Variants in ALPI observed in about 807,000 individuals in gnomAD.
The protein encoded by ALPI is alkaline phosphatase, intestinal.
A neutral mutation model predicts 51.5 loss-of-function variants in ALPI; 50 were observed. The observed-to-expected ratio is 0.97, with a 90% CI of 0.77 to 1.23. ALPI has a LOEUF of 1.23. ALPI is among the 50% of genes most tolerant of loss of function. ALPI has a pLI of 0.00. For missense variants in ALPI, 692 were observed against 722.4 expected (o/e 0.96, Z 0.48); for synonymous variants, 322 against 308.2 (o/e 1.04, Z -0.47).
chr2:232,457,846 C>T lies in ALPI; in HGVS notation c.835C>T (p.Gln279Ter), dbSNP rs1428030818. ...RTELMQASLDQSVTHLMGLFE... is the reference protein window; with the variant it reads ...RTELMQASLD ...TGAGCTCATGCAGGCGTCCCTGGAC[C>T]AGTCTGTGACCCATCTCATGGGTAA... Residue 279 changes from glutamine to a stop codon, truncating the protein, a stop_gained, in exon 7 of 11, where the codon CAG becomes TAG. Transcript: ENST00000295463. LOFTEE classifies it high-confidence loss of function. This position sits in a 1 kb window ranked among gnomAD's most constrained non-coding sequence, Gnocchi z 4.7. The T allele has an allele frequency of 2.5e-6, 4 of 1,613,962 alleles. No homozygotes were observed. Among genetic ancestry groups the T allele is most frequent in the African/African-American group, 1.3e-5 (1 of 74,886 alleles).
chr2:232,457,530 G>A lies in ALPI; in HGVS notation c.649-35G>A, dbSNP rs1274866850. 8.9e-6 allele frequency: 14 copies of A among 1,575,822 alleles called. No homozygotes were observed. The highest frequency in any genetic ancestry group is 3.6e-5 in the Admixed American group (2 of 55,536). On this transcript the variant is annotated intron_variant, in intron 5 of 10. Coordinates refer to ENST00000295463, the MANE Select transcript of ALPI (RefSeq NM_001631.5). The surrounding 1 kb of genome is among the most constrained non-coding windows in gnomAD (Gnocchi z 4.7). ...GAGGAGGGGGCACGGGGCCAGCCAG[G>A]CCCCCAAACCACCTGCCCCATCCAT...
chr2:232,460,111 G>A lies in ALPI; in HGVS notation c.*965G>A, dbSNP rs1425527364. 6.6e-6 allele frequency: 1 copy of A among 152,512 alleles called. No homozygotes were observed. Among genetic ancestry groups the A allele is most frequent in the South Asian group, 2.1e-4 (1 of 4,840 alleles). The allele number at this position is 152,512 out of a possible 1,614,324, so 9.4% of individuals were successfully genotyped here. A position where few individuals can be genotyped will look rare whatever the true frequency, so the allele number is the denominator to read the frequency against. On this transcript the variant is annotated 3_prime_UTR_variant, in exon 11 of 11. Coordinates refer to ENST00000295463, the MANE Select transcript of ALPI (RefSeq NM_001631.5). ...TGGAGAGGTGGATAACGCAGGCCAGGAGGTACTGCTGAGGGGCAGATGATT... is the reference window on the plus strand; with the variant it reads ...TGGAGAGGTGGATAACGCAGGCCAGAAGGTACTGCTGAGGGGCAGATGATT...
In ALPI at chr2:232,458,310, A is replaced by G. The variant is rs749297044; in HGVS notation, c.1085A>G (p.Gln362Arg). The part of the protein sequence containing the change: ...MFDDAIERAG[Q>R]LTSEEDTLTL... ...GACGACGCCATTGAGAGGGCGGGCC[A>G]GCTCACCAGCGAGGAGGACACGCTG... Residue 362 changes from glutamine to arginine, a missense_variant, in exon 9 of 11, where the codon CAG becomes CGG. Coordinates refer to ENST00000295463, the MANE Select transcript of ALPI (RefSeq NM_001631.5). The G allele has an allele frequency of 1.9e-5, 31 of 1,614,028 alleles. No homozygotes were observed. Among genetic ancestry groups the G allele is most frequent in the Non-Finnish European group, 2.5e-5 (30 of 1,180,042 alleles).
chr2:232,458,407 C>T lies in ALPI; in HGVS notation c.1182C>T (p.Phe394=), dbSNP rs759088255. The stretch of plus-strand genomic sequence containing the variant: ...ACACCTTGCGAGGGAGCTCCATCTT[C>T]GGTAGGCCTGGGGAGAGTGGCAGGT... ...GGYTLRGSSI[F]GLAPSKAQDS... is the part of the protein sequence containing the mutation. Residue 394 remains phenylalanine, a splice_region_variant and synonymous_variant, in exon 9 of 11, where the codon TTC becomes TTT. Coordinates refer to ENST00000295463, the MANE Select transcript of ALPI (RefSeq NM_001631.5). The T allele has an allele frequency of 3.1e-6, 5 of 1,612,568 alleles. No individual in the cohort carries two copies. Among genetic ancestry groups the T allele is most frequent in the South Asian group, 2.2e-5 (2 of 90,964 alleles).
At position 232,459,203 on chromosome 2, in the gene ALPI, C is replaced by G. The variant is rs1279159025; in HGVS notation, c.*57C>G. 2.7e-6 allele frequency: 4 copies of G among 1,483,246 alleles called. No homozygotes were observed. Among genetic ancestry groups the G allele is most frequent in the African/African-American group, 2.8e-5 (2 of 71,802 alleles). The allele number at this position is 1,483,246 out of a possible 1,614,324, so 91.9% of individuals were successfully genotyped here. ...CCTCCGGGCGTCCTGCCCTGTTCCC[C>G]GTCCTGAGCCGCCACTTCCAGCGAA... On this transcript the variant is annotated 3_prime_UTR_variant, in exon 11 of 11. Transcript: ENST00000295463.
chr2:232,458,768 C>A lies in ALPI; in HGVS notation c.1300+20C>A, dbSNP rs764342811. 3 of 1,613,488 alleles carry A rather than the reference C, an allele frequency of 1.9e-6. No individual in the cohort carries two copies. Among genetic ancestry groups the A allele is most frequent in the South Asian group, 1.1e-5 (1 of 91,080 alleles). ...AGAGCGGTGAGTGAGGCTGAATGGC[C>A]CGTGCAGGGGGACCAGGGTGCCAGG... On this transcript the variant is annotated intron_variant, in intron 10 of 10. Coordinates refer to ENST00000295463, the MANE Select transcript of ALPI (RefSeq NM_001631.5).
In ALPI at chr2:232,456,723, C is replaced by T. The variant is rs762622182; in HGVS notation, c.300+28C>T. 24 of 1,572,700 alleles carry T rather than the reference C, an allele frequency of 1.5e-5. No homozygotes were observed. The highest frequency in any genetic ancestry group is 5.6e-5 in the Admixed American group (3 of 53,710). The stretch of plus-strand genomic sequence containing the variant: ...AAGGGCTGGGCCACCTCAGAGTCCT[C>T]CAAGCAGAGGAGAGGGATCAAGGAT... On this transcript the variant is annotated intron_variant, in intron 3 of 10. Transcript: ENST00000295463. The surrounding 1 kb of genome is among the most constrained non-coding windows in gnomAD (Gnocchi z 4.2).
In ALPI at chr2:232,458,213, G is replaced by A. The variant is rs763228020; in HGVS notation, c.992-4G>A. The A allele has an allele frequency of 8.7e-6, 14 of 1,614,028 alleles. No individual in the cohort carries two copies. The South Asian group carries it at 1.4e-4, about 16-fold the overall frequency. On this transcript the variant is annotated splice_region_variant and splice_polypyrimidine_tract_variant and intron_variant, in intron 8 of 10. Transcript: ENST00000295463. Reference sequence around the variant, plus strand: ...AGCATCACCCCCCTCTGGCCTTCCTGCAGGCGGCCGCATCGACCATGGTCA... The same window carrying A: ...AGCATCACCCCCCTCTGGCCTTCCTACAGGCGGCCGCATCGACCATGGTCA...
rs148298725 is a variant in ALPI, at chr2:232,458,347, C to A, written c.1122C>A (p.Thr374=). 1.3e-5 allele frequency: 21 copies of A among 1,614,104 alleles called. No individual in the cohort carries two copies. The highest frequency in any genetic ancestry group is 1.7e-5 in the Non-Finnish European group (20 of 1,180,028). The change falls in exon 9 of 11, where the codon ACC becomes ACA. Residue 374 remains threonine (T), a synonymous_variant. Coordinates refer to ENST00000295463, the MANE Select transcript of ALPI (RefSeq NM_001631.5). ...AGGAGGACACGCTGACCCTCGTCAC[C>A]GCTGACCACTCCCATGTCTTCTCCT... The part of the protein sequence containing the change: ...TSEEDTLTLV[T]ADHSHVFSFG...
In ALPI at chr2:232,456,190, C is replaced by A. The variant is rs761567364; in HGVS notation, c.-10C>A. On this transcript the variant is annotated 5_prime_UTR_variant, in exon 1 of 11. Transcript: ENST00000295463. The surrounding 1 kb of genome is among the most constrained non-coding windows in gnomAD (Gnocchi z 4.2). ...TCCCCACTTCGCCTCCCTCCTGCTG[C>A]CCCCAAGACATGCAGGGGCCCTGGG... The A allele has an allele frequency of 2.5e-6, 4 of 1,612,972 alleles. No homozygotes were observed. Among genetic ancestry groups the A allele is most frequent in the East Asian group, 2.2e-5 (1 of 44,882 alleles).
chr2:232,459,441 C>T lies in ALPI; in HGVS notation c.*295C>T, dbSNP rs1418674390. Reference sequence around the variant, plus strand: ...GAGACTGCAGATTTGTGCCATGCGGCTGCCTGCACCCCAGACAATAAAGGG... The same window carrying T: ...GAGACTGCAGATTTGTGCCATGCGGTTGCCTGCACCCCAGACAATAAAGGG... On this transcript the variant is annotated 3_prime_UTR_variant, in exon 11 of 11. Coordinates refer to ENST00000295463, the MANE Select transcript of ALPI (RefSeq NM_001631.5). 2.3e-6 allele frequency: 1 copy of T among 430,878 alleles called. No homozygotes were observed. Among genetic ancestry groups the T allele is most frequent in the African/African-American group, 2.0e-5 (1 of 49,584 alleles). The allele number at this position is 430,878 out of a possible 1,614,324, so 26.7% of individuals were successfully genotyped here. A position where few individuals can be genotyped will look rare whatever the true frequency, so the allele number is the denominator to read the frequency against.
chr2:232,457,418 T>C lies in ALPI; in HGVS notation c.648+96T>C, dbSNP rs1690217283. 2.6e-6 allele frequency: 4 copies of C among 1,549,886 alleles called. No homozygotes were observed. The Admixed American group carries it at 5.7e-5, about 22-fold the overall frequency. On this transcript the variant is annotated intron_variant, in intron 5 of 10. Transcript: ENST00000295463. The surrounding 1 kb of genome is among the most constrained non-coding windows in gnomAD (Gnocchi z 4.7). ...AAAAGCCTGATCTGGGTCAGCAGGT[T>C]CTGGAGGTGGAGTTGGGGATGTAGA...
chr2:232,458,357 T>G lies in ALPI; in HGVS notation c.1132T>G (p.Ser378Ala), dbSNP rs377702219. The G allele has an allele frequency of 2.0e-5, 32 of 1,613,932 alleles. No homozygotes were observed. Among genetic ancestry groups the G allele is most frequent in the Non-Finnish European group, 2.3e-5 (27 of 1,180,022 alleles). The change falls in exon 9 of 11, where the codon TCC (serine) becomes GCC (alanine). Residue 378 changes from serine (S) to alanine (A), a missense_variant. Ser to Ala is a moderately conservative substitution (Grantham distance 99, BLOSUM62 1). Coordinates refer to ENST00000295463, the MANE Select transcript of ALPI (RefSeq NM_001631.5). ...GCTGACCCTCGTCACCGCTGACCAC[T>G]CCCATGTCTTCTCCTTTGGTGGCTA... ...DTLTLVTADH[S>A]HVFSFGGYTL...
chr2:232,458,529 G>A (rs1206442292), intron 9 of ALPI, 103 bp from the exon 10 acceptor site: 1 of 1,524,522 alleles, frequency 6.6e-7, no homozygotes, highest in Non-Finnish European at 8.9e-7. Context: ...GATCTTGTGA[G>A]GACCGAGCCC....
chr2:232,458,641 C>G lies in ALPI; in HGVS notation c.1193C>G (p.Pro398Arg). The change falls in exon 10 of 11, where the codon CCC becomes CGC. Residue 398 changes from proline to arginine, a missense_variant. Coordinates refer to ENST00000295463, the MANE Select transcript of ALPI (RefSeq NM_001631.5). Reference sequence around the variant, plus strand: ...CCGCATCTCCCTACAGGGTTGGCCCCCAGCAAGGCTCAGGACAGCAAAGCC... The same window carrying G: ...CCGCATCTCCCTACAGGGTTGGCCCGCAGCAAGGCTCAGGACAGCAAAGCC... ...LRGSSIFGLAPSKAQDSKAYT... is the reference protein window; with the variant it reads ...LRGSSIFGLARSKAQDSKAYT... 1 of 1,613,810 alleles carries G rather than the reference C, an allele frequency of 6.2e-7. No individual in the cohort carries two copies. The highest frequency in any genetic ancestry group is 8.5e-7 in the Non-Finnish European group (1 of 1,179,932).
chr2:232,456,435 G>T lies in ALPI; in HGVS notation c.154G>T (p.Ala52Ser), dbSNP rs775865612. 1.1e-5 allele frequency: 18 copies of T among 1,613,888 alleles called. No individual in the cohort carries two copies. The South Asian group carries it at 1.9e-4, about 17-fold the overall frequency. Residue 52 changes from alanine to serine, a missense_variant, in exon 2 of 11, where the codon GCC (alanine) becomes TCC (serine). Ala to Ser is a moderately conservative substitution (Grantham distance 99). Transcript: ENST00000295463. This position sits in a 1 kb window ranked among gnomAD's most constrained non-coding sequence, Gnocchi z 4.2. ...AKKLQPIQKV[A>S]KNLILFLGDG... The stretch of plus-strand genomic sequence containing the variant: ...GAAGCTGCAGCCCATCCAGAAGGTC[G>T]CCAAGAACCTCATCCTCTTCCTGGG...
Position 232,457,595 on chromosome 2 carries a change from T to G in ALPI, c.679T>G (p.Phe227Val), listed in dbSNP as rs1256255954. The G allele has an allele frequency of 3.7e-6, 6 of 1,613,606 alleles. No homozygotes were observed. Among genetic ancestry groups the G allele is most frequent in the Non-Finnish European group, 5.1e-6 (6 of 1,179,810 alleles). Residue 227 changes from phenylalanine (F) to valine (V), a missense_variant, in exon 6 of 11, where the codon TTT becomes GTT. By Grantham distance (50) the Phe-to-Val change is conservative. Coordinates refer to ENST00000295463, the MANE Select transcript of ALPI (RefSeq NM_001631.5). The surrounding 1 kb of genome is among the most constrained non-coding windows in gnomAD (Gnocchi z 4.7). ...CCTTGGCGGAGGCCGCAAGTACATG[T>G]TTCCCATGGGGACCCCAGACCCTGA... ...VILGGGRKYMFPMGTPDPEYP... is the reference protein window; with the variant it reads ...VILGGGRKYMVPMGTPDPEYP...
Position 232,458,197 on chromosome 2 carries a change from C to T in ALPI, c.992-20C>T, listed in dbSNP as rs776893377. The T allele has an allele frequency of 1.3e-5, 21 of 1,613,682 alleles. No individual in the cohort carries two copies. Among genetic ancestry groups the T allele is most frequent in the Middle Eastern group, 1.6e-4 (1 of 6,080 alleles). On this transcript the variant is annotated intron_variant, in intron 8 of 10. Transcript: ENST00000295463. ...CGGCAGGGCAGGTTCAAGCATCACCCCCCTCTGGCCTTCCTGCAGGCGGCC... is the reference window on the plus strand; with the variant it reads ...CGGCAGGGCAGGTTCAAGCATCACCTCCCTCTGGCCTTCCTGCAGGCGGCC...
rs764771831 is a variant in ALPI, at chr2:232,457,674, T to C, written c.758T>C (p.Val253Ala). The C allele has an allele frequency of 1.2e-6, 2 of 1,613,362 alleles. No homozygotes were observed. Among genetic ancestry groups the C allele is most frequent in the African/African-American group, 2.7e-5 (2 of 74,896 alleles). Residue 253 changes from valine to alanine, a missense_variant, in exon 6 of 11, where the codon GTG becomes GCG. Coordinates refer to ENST00000295463, the MANE Select transcript of ALPI (RefSeq NM_001631.5). This position sits in a 1 kb window ranked among gnomAD's most constrained non-coding sequence, Gnocchi z 4.7. ...ATCAGGCTGGACGGGAAGAACCTGGTGCAGGAATGGCTGGCAAAGCACCAG... is the reference window on the plus strand; with the variant it reads ...ATCAGGCTGGACGGGAAGAACCTGGCGCAGGAATGGCTGGCAAAGCACCAG... ...NGIRLDGKNLVQEWLAKHQGA... is the reference protein window; with the variant it reads ...NGIRLDGKNLAQEWLAKHQGA...
Sources: allele counts gnomAD v4.1 joint callset, GRCh38; gene constraint gnomAD v4.1.1; non-coding constraint Gnocchi (gnomAD v3.1); transcripts MANE v1.5; gene names NCBI Gene and HGNC (gene_info 2026-07-23, HGNC 2026-07-21).